Variants in EXOC6B observed in about 807,000 individuals in gnomAD.
EXOC6B encodes the protein exocyst complex component 6B.
A neutral mutation model predicts 113.5 loss-of-function variants in EXOC6B; 54 were observed. The ratio of observed to expected loss-of-function variants is 0.48; its 90% confidence interval spans 0.38 to 0.60. The LOEUF (loss-of-function observed/expected upper bound fraction) is 0.60, where lower values mean the gene tolerates loss of function less well. Ranked by LOEUF, EXOC6B falls within the 20% of genes least tolerant of loss-of-function variation. EXOC6B has a pLI of 0.00. For missense variants in EXOC6B, 797 were observed against 977.5 expected (o/e 0.82, Z 2.46); for synonymous variants, 357 against 339.0 (o/e 1.05, Z -0.58).
chr2:72,211,093 C>G (rs776623858), intron 20 of EXOC6B, among the ~76,000 whole-genome samples: 1 of 152,128 alleles, frequency 6.6e-6, no homozygotes, highest in East Asian at 1.9e-4. Context: ...CCCTCTCAAC[C>G]TGAAATGCAT....
intron 18 of EXOC6B, among the ~76,000 whole-genome samples, chr2:72,382,468 T>C (rs1037470272): frequency 1.3e-5 from 2 of 152,216 alleles, no homozygotes; most frequent in African/African-American, 4.8e-5. Context: ...GGTAACGTGA[T>C]GTCTCCAGCT....
intron 20 of EXOC6B, among the ~76,000 whole-genome samples, chr2:72,280,408 TG>T (rs1685062714): frequency 6.6e-6 from 1 of 152,060 alleles, no homozygotes; most frequent in African/African-American, 2.4e-5. Context: ...CAAAAAGAAA[TG>T]ACCTGTATAC....
chr2:72,616,284 T>C (rs558364668), intron 6 of EXOC6B, among the ~76,000 whole-genome samples: 108 of 152,024 alleles, frequency 7.1e-4, no homozygotes, highest in African/African-American at 2.5e-3. Context: ...AATTCTGAAA[T>C]TCATATAAGA....
intron 20 of EXOC6B, among the ~76,000 whole-genome samples, chr2:72,276,988 T>C (rs972544743): frequency 6.6e-6 from 1 of 152,156 alleles, no homozygotes; most frequent in Middle Eastern, 3.2e-3. Flanking sequence ...ACTCATTCCT[T>C]CTTCAGAGGA....
chr2:72,344,257 C>T (rs1439929885), intron 19 of EXOC6B, among the ~76,000 whole-genome samples: 6 of 152,068 alleles, frequency 3.9e-5, no homozygotes, highest in Admixed American at 6.6e-5. Flanking sequence ...CTTTTCAGCT[C>T]CAAAATTTCT....
At chr2:72,330,598 A>G (rs775495474) in intron 20 of EXOC6B, among the ~76,000 whole-genome samples, 75 of 152,220 alleles carry the variant, frequency 4.9e-4, no homozygotes, top group Admixed American at 2.0e-3. Context: ...GAAATATTTT[A>G]TAGCTACTCA....
intron 17 of EXOC6B, among the ~76,000 whole-genome samples, chr2:72,466,598 C>G (rs888064727): frequency 6.6e-6 from 1 of 152,176 alleles, no homozygotes; most frequent in East Asian, 1.9e-4. Context: ...TATTTACATA[C>G]TATAACATAG....
At position 72,801,331 on chromosome 2, in the gene EXOC6B, TAAAAG is replaced by T. The variant is rs1245272980; in HGVS notation, c.113+24462_113+24466del. On this transcript the variant is annotated intron_variant, in intron 1 of 21. Coordinates refer to ENST00000272427, the MANE Select transcript of EXOC6B (RefSeq NM_015189.3). ...CAAATAATTTATAATTAAAGACACTTAAAAGAAGATAAGTGTGCTCTCTGTTTATC... is the reference window on the plus strand; with the variant it reads ...CAAATAATTTATAATTAAAGACACTTAAGATAAGTGTGCTCTCTGTTTATC... Among the ~76,000 whole-genome samples, 10 of 152,302 alleles carry T rather than the reference TAAAAG, an allele frequency of 6.6e-5. No homozygotes were observed. The South Asian group carries it at 1.9e-3, about 28-fold the overall frequency.
intron 18 of EXOC6B, among the ~76,000 whole-genome samples, chr2:72,429,438 A>G (rs1386136162): frequency 6.6e-5 from 10 of 152,214 alleles, no homozygotes; most frequent in Non-Finnish European, 1.3e-4. Context: ...GTTCGATTTG[A>G]TATATACATA....
intron 20 of EXOC6B, among the ~76,000 whole-genome samples, chr2:72,248,923 A>G (rs1237184523): frequency 6.6e-6 from 1 of 152,228 alleles, no homozygotes; most frequent in Non-Finnish European, 1.5e-5. Context: ...TTGTCAAATA[A>G]AAAGAGAAAA....
At chr2:72,464,776 T>C (rs1179181952) in intron 18 of EXOC6B, 1 of 194,934 alleles carries the variant, frequency 5.1e-6, no homozygotes, top group Non-Finnish European at 1.0e-5. Context: ...AGATGGAGCA[T>C]TTCATCAAAG....
At chr2:72,669,504 A>G (rs748552642) in intron 6 of EXOC6B, among the ~76,000 whole-genome samples, 1 of 152,198 alleles carries the variant, frequency 6.6e-6, no homozygotes, top group Admixed American at 6.5e-5. Context: ...TATCATTACC[A>G]TCAATATCAC....
intron 6 of EXOC6B, among the ~76,000 whole-genome samples, chr2:72,656,077 C>A (rs1297668302): frequency 1.3e-5 from 2 of 151,972 alleles, no homozygotes; most frequent in Admixed American, 6.5e-5. Context: ...AATAAATAGA[C>A]TAAAATGCCT....
chr2:72,812,409 T>C (rs1022982714), intron 1 of EXOC6B, among the ~76,000 whole-genome samples: 7 of 152,214 alleles, frequency 4.6e-5, no homozygotes, highest in Non-Finnish European at 1.0e-4. Context: ...CATACAATAT[T>C]TGTAGATTGG....
At chr2:72,708,469 C>T (rs1679036938) in intron 6 of EXOC6B, among the ~76,000 whole-genome samples, 1 of 152,098 alleles carries the variant, frequency 6.6e-6, no homozygotes, top group Admixed American at 6.5e-5. Context: ...AATCAAGATA[C>T]TAAACAGTTG....
At chr2:72,450,670 T>C (rs547383257) in intron 18 of EXOC6B, among the ~76,000 whole-genome samples, 16 of 152,246 alleles carry the variant, frequency 1.1e-4, no homozygotes, top group African/African-American at 3.6e-4. Flanking sequence ...CCACTGGAAG[T>C]TTCTCTTGAC....
chr2:72,518,956 TA>T (rs1014299800), intron 8 of EXOC6B, among the ~76,000 whole-genome samples: 2 of 152,180 alleles, frequency 1.3e-5, no homozygotes, highest in African/African-American at 4.8e-5. Context: ...AGAAGGCTGA[TA>T]CAAAGTTTCT....
At position 72,823,459 on chromosome 2, in the gene EXOC6B, GAA is replaced by G. The variant is rs1237385156; in HGVS notation, c.113+2337_113+2338del. Among the ~76,000 whole-genome samples the G allele has an allele frequency of 7.1e-3, 497 of 70,032 alleles. 23 individuals carry two copies. Among genetic ancestry groups the G allele is most frequent in the African/African-American group, 0.039 (484 of 12,282 alleles). 45.9% of individuals were successfully genotyped at this position (70,032 alleles called of 152,430 possible). ...CCAACTTCTCAAATCAAAGTTTTAA[GAA>G]AAAAAAAAAAAAAAAAACAAAAAAC... On this transcript the variant is annotated intron_variant, in intron 1 of 21. Coordinates refer to ENST00000272427, the MANE Select transcript of EXOC6B (RefSeq NM_015189.3).
intron 6 of EXOC6B, among the ~76,000 whole-genome samples, chr2:72,592,506 A>G (rs922160625): frequency 6.6e-6 from 1 of 152,202 alleles, no homozygotes; most frequent in African/African-American, 2.4e-5. Flanking sequence ...ACAAAGTATT[A>G]GTGTCCCCCA....
Sources: gnomAD v4.1 joint callset for allele counts (sites outside exome capture counted in the v4.1 genomes callset) on GRCh38, gnomAD v4.1.1 for gene constraint, MANE v1.5 for transcripts, NCBI Gene and HGNC (gene_info 2026-07-23, HGNC 2026-07-21) for gene names.